The following TMEM132D variants were observed in gnomAD, a reference collection of about 807,000 sequenced individuals.
The protein encoded by TMEM132D is mature OL transmembrane protein.
TMEM132D carries 21 observed loss-of-function variants against 62.3 expected under a neutral mutation model. That is an observed-to-expected ratio of 0.34 (90% CI 0.24 to 0.49). TMEM132D has a LOEUF of 0.49. Among genes scored for constraint, TMEM132D ranks in the 20% least tolerant of loss-of-function variants. The pLI is 0.99. For synonymous variants in TMEM132D, 621 were observed against 575.6 expected (o/e 1.08, Z -1.13); for missense variants, 1,346 against 1,402.8 (o/e 0.96, Z 0.65).
At chr12:129,095,146 A>G (rs1285572330) in intron 5 of TMEM132D, among the ~76,000 whole-genome samples, 1 of 152,096 alleles carries the variant, frequency 6.6e-6, no homozygotes, top group African/African-American at 2.4e-5. Context: ...ACTAACCTGC[A>G]TGTTGTGCAC....
chr12:129,425,330 G>C (rs550644547), intron 3 of TMEM132D, among the ~76,000 whole-genome samples: 1 of 151,716 alleles, frequency 6.6e-6, no homozygotes, highest in Non-Finnish European at 1.5e-5. Context: ...AACTGAGGAA[G>C]CTTCCCAAAG....
At chr12:129,197,706 A>G (rs1878586911) in intron 5 of TMEM132D, among the ~76,000 whole-genome samples, 2 of 152,258 alleles carry the variant, frequency 1.3e-5, no homozygotes. Flanking sequence ...ACACAGGGGA[A>G]ACACTGTATG....
intron 2 of TMEM132D, among the ~76,000 whole-genome samples, chr12:129,605,423 A>G (rs1878588849): frequency 6.6e-6 from 1 of 151,764 alleles, no homozygotes; most frequent in Non-Finnish European, 1.5e-5. Context: ...AAGTTCTATC[A>G]TCTCTCTCAC....
intron 2 of TMEM132D, among the ~76,000 whole-genome samples, chr12:129,545,630 C>T (rs11060423): frequency 0.076 from 11,602 of 152,180 alleles, 1,513 homozygotes; most frequent in African/African-American, 0.27. Flanking sequence ...CTCCCACTCC[C>T]TGCCTCTGGC....
intron 2 of TMEM132D, among the ~76,000 whole-genome samples, chr12:129,669,660 A>C (rs1880455367): frequency 6.6e-6 from 1 of 152,108 alleles, no homozygotes; most frequent in Non-Finnish European, 1.5e-5. Context: ...AGCCAAGATT[A>C]TGCCACTGCA....
intron 2 of TMEM132D, among the ~76,000 whole-genome samples, chr12:129,653,240 G>A (rs552641156): frequency 3.3e-5 from 5 of 152,210 alleles, no homozygotes; most frequent in South Asian, 2.1e-4. Flanking sequence ...GGAGGAGAAC[G>A]GCTCAAATGA....
At chr12:129,800,756 G>C (rs376579695) in intron 1 of TMEM132D, among the ~76,000 whole-genome samples, 4 of 152,124 alleles carry the variant, frequency 2.6e-5, no homozygotes, top group East Asian at 3.9e-4. Flanking sequence ...AGCTCCCAGC[G>C]AGAGCGACGC....
chr12:129,610,348 A>G (rs1188167606), intron 2 of TMEM132D, among the ~76,000 whole-genome samples: 1 of 151,966 alleles, frequency 6.6e-6, no homozygotes, highest in Non-Finnish European at 1.5e-5. Flanking sequence ...TTGAATTGAC[A>G]CGTGCATTAT....
intron 5 of TMEM132D, among the ~76,000 whole-genome samples, chr12:129,125,700 G>C (rs1462786022): frequency 6.6e-6 from 1 of 150,816 alleles, no homozygotes; most frequent in African/African-American, 2.4e-5. Context: ...ACGGGGTTTT[G>C]CTATGTTGCC....
Position 129,707,915 on chromosome 12 carries a change from G to A in TMEM132D, c.80-7217C>T, listed in dbSNP as rs188956045. On this transcript the variant is annotated intron_variant, in intron 1 of 8. Transcript: ENST00000422113. The stretch of plus-strand genomic sequence containing the variant: ...ACCTGTCATATAATTTCATAAAACT[G>A]TAAGTATGAAATAAAACAGGGCCAG... 2.0e-4 allele frequency among the ~76,000 whole-genome samples: 30 copies of A among 152,250 alleles called. No homozygotes were observed. The South Asian group carries it at 6.0e-3, about 31-fold the overall frequency.
chr12:129,584,311 G>GT (rs1877957794), intron 2 of TMEM132D, among the ~76,000 whole-genome samples: 1 of 152,150 alleles, frequency 6.6e-6, no homozygotes, highest in Non-Finnish European at 1.5e-5. Context: ...CAGTACTAAT[G>GT]TTTTTACCTA....
At chr12:129,467,232 G>C (rs906787086) in intron 3 of TMEM132D, among the ~76,000 whole-genome samples, 1 of 152,086 alleles carries the variant, frequency 6.6e-6, no homozygotes, top group African/African-American at 2.4e-5. Flanking sequence ...AAATTCAAAG[G>C]GTGGGTCTGG....
At chr12:129,625,243 G>A (rs1440217022) in intron 2 of TMEM132D, among the ~76,000 whole-genome samples, 4 of 152,006 alleles carry the variant, frequency 2.6e-5, no homozygotes, top group Admixed American at 2.6e-4. Flanking sequence ...ACATTTTCTC[G>A]ATACTACTTA....
At chr12:129,710,288 A>T (rs202133796) in intron 1 of TMEM132D, among the ~76,000 whole-genome samples, 1 of 135,140 alleles carries the variant, frequency 7.4e-6, no homozygotes, top group East Asian at 3.2e-4. Context: ...ATTAATTTTT[A>T]TTTATTTATT....
intron 4 of TMEM132D, among the ~76,000 whole-genome samples, chr12:129,252,081 T>C (rs961894654): frequency 2.0e-5 from 3 of 152,214 alleles, no homozygotes; most frequent in African/African-American, 7.2e-5. Flanking sequence ...AATATGTATA[T>C]TCAAATCATA....
intron 4 of TMEM132D, among the ~76,000 whole-genome samples, chr12:129,248,738 G>A (rs527520587): frequency 9.9e-5 from 15 of 151,976 alleles, no homozygotes; most frequent in African/African-American, 1.2e-4. Flanking sequence ...AGACCCTATC[G>A]TCTGCTGTTC....
chr12:129,640,506 C>T (rs1272282335), intron 2 of TMEM132D, among the ~76,000 whole-genome samples: 6 of 152,166 alleles, frequency 3.9e-5, no homozygotes, highest in African/African-American at 1.4e-4. Flanking sequence ...GACCGTGCCA[C>T]TTTGGAGCTT....
At chr12:129,248,245 T>G (rs138703812) in intron 4 of TMEM132D, among the ~76,000 whole-genome samples, 2,372 of 152,320 alleles carry the variant, frequency 0.016, 28 homozygotes, top group Non-Finnish European at 0.024. Context: ...GGTGGCTGGT[T>G]TCTCTATCAA....
chr12:129,502,062 C>G (rs543334108), intron 3 of TMEM132D, among the ~76,000 whole-genome samples: 1 of 151,930 alleles, frequency 6.6e-6, no homozygotes, highest in Admixed American at 6.6e-5. Context: ...TGCAGTGGCA[C>G]GGTCTCGACT....
Sources: gnomAD v4.1 joint callset for allele counts (sites outside exome capture counted in the v4.1 genomes callset) on GRCh38, gnomAD v4.1.1 for gene constraint, MANE v1.5 for transcripts, NCBI Gene and HGNC (gene_info 2026-07-23, HGNC 2026-07-21) for gene names.